Variants in TNFSF8 observed in about 807,000 individuals in gnomAD.
TNFSF8 encodes the protein TNF superfamily member 8.
In TNFSF8, 4 loss-of-function variants were observed where a neutral mutation model predicts 22.0. The observed-to-expected ratio is 0.18, with a 90% CI of 0.09 to 0.42. TNFSF8 has a LOEUF of 0.42. Among genes scored for constraint, TNFSF8 ranks in the 10% least tolerant of loss-of-function variants. The pLI is 1.00. For missense variants in TNFSF8, 233 were observed against 281.8 expected, an observed-to-expected ratio of 0.83 and a Z score of 1.24; for synonymous variants, 106 against 112.5, an observed-to-expected ratio of 0.94 and a Z score of 0.37.
chr9:114,894,166 T>C lies in TNFSF8; in HGVS notation c.410-2A>G, dbSNP rs1318809069. ...GGTGGAGGATCATGCCACAGTAATC[T>C]GGAAGAAAGAATAACTTTACTTTGT... On this transcript the variant is annotated splice_acceptor_variant, in intron 4 of 4. Coordinates refer to the TNFSF8 transcript ENST00000618336. LOFTEE classifies it high-confidence loss of function. 6.5e-7 allele frequency: 1 copy of C among 1,533,804 alleles called. No homozygotes were observed. Among genetic ancestry groups the C allele is most frequent in the African/African-American group, 1.4e-5 (1 of 72,962 alleles).
chr9:114,907,934 C>G (rs112693374), intron 2 of TNFSF8, among the ~76,000 whole-genome samples: 4 of 152,344 alleles, frequency 2.6e-5, no homozygotes, highest in African/African-American at 9.6e-5. Context: ...CTCAGGCTGC[C>G]TGACCGCTGC....
chr9:114,923,761 A>C (rs181839985), intron 1 of TNFSF8, among the ~76,000 whole-genome samples: 3 of 152,100 alleles, frequency 2.0e-5, no homozygotes, highest in Admixed American at 6.5e-5. Context: ...CAAGTGATCC[A>C]CACACCTTTG....
rs148978384 is a variant in TNFSF8, at chr9:114,930,390, C to T, written c.-87G>A. The T allele has an allele frequency of 3.6e-3, 4,004 of 1,104,996 alleles. 12 individuals carry two copies. The highest frequency in any genetic ancestry group is 4.5e-3 in the Non-Finnish European group (3,749 of 827,982). The allele number at this position is 1,104,996 out of a possible 1,614,324, so 68.4% of individuals were successfully genotyped here. A position where few individuals can be genotyped will look rare whatever the true frequency, so the allele number is the denominator to read the frequency against. Reference sequence around the variant, plus strand: ...CATCTCTGTTCCAAGAAGGATTCTCCCCCTGAATCCTGAATCATGTGACTT... The same window carrying T: ...CATCTCTGTTCCAAGAAGGATTCTCTCCCTGAATCCTGAATCATGTGACTT... On this transcript the variant is annotated 5_prime_UTR_variant, in exon 1 of 4. Coordinates refer to ENST00000223795, the MANE Select transcript of TNFSF8 (RefSeq NM_001244.4).
intron 2 of TNFSF8, among the ~76,000 whole-genome samples, chr9:114,906,901 A>G (rs1203976182): frequency 1.3e-5 from 2 of 152,342 alleles, no homozygotes; most frequent in Middle Eastern, 3.4e-3. Flanking sequence ...AAAACTGGAC[A>G]ATCTTTGACC....
intron 1 of TNFSF8, among the ~76,000 whole-genome samples, chr9:114,924,906 T>C (rs1828037380): frequency 6.6e-6 from 1 of 152,156 alleles, no homozygotes; most frequent in Admixed American, 6.5e-5. Flanking sequence ...CAGGGCTCGC[T>C]CCTGGGAAGA....
intron 2 of TNFSF8, among the ~76,000 whole-genome samples, chr9:114,910,925 T>G (rs1827845234): frequency 6.6e-6 from 1 of 152,208 alleles, no homozygotes; most frequent in Non-Finnish European, 1.5e-5. Context: ...TTCCCCTTAC[T>G]GAGCCTCAGC....
At chr9:114,917,640 T>C (rs1827936021) in intron 2 of TNFSF8, among the ~76,000 whole-genome samples, 4 of 152,236 alleles carry the variant, frequency 2.6e-5, no homozygotes, top group Admixed American at 2.6e-4. Flanking sequence ...ATGATTACTA[T>C]GTGCTGGTTG....
chr9:114,917,753 C>T (rs1214217884), intron 2 of TNFSF8, among the ~76,000 whole-genome samples: 1 of 152,162 alleles, frequency 6.6e-6, no homozygotes, highest in African/African-American at 2.4e-5. Context: ...AGTTGAGGCT[C>T]CCCAGTGGGA....
At chr9:114,914,443 C>T (rs1827892547) in intron 2 of TNFSF8, among the ~76,000 whole-genome samples, 1 of 152,164 alleles carries the variant, frequency 6.6e-6, no homozygotes, top group Admixed American at 6.5e-5. Context: ...AGCCAGAAAC[C>T]ATGTGCAGAC....
intron 2 of TNFSF8, among the ~76,000 whole-genome samples, chr9:114,909,875 A>C (rs1827831518): frequency 6.6e-6 from 1 of 152,214 alleles, no homozygotes; most frequent in African/African-American, 2.4e-5. Flanking sequence ...AGTTTGGAGA[A>C]ATGAAAGTTC....
At chr9:114,896,715 TAGGA>T (rs1199508651), downstream of TNFSF8, among the ~76,000 whole-genome samples, 1 of 152,148 alleles carries the variant, frequency 6.6e-6, no homozygotes, top group Non-Finnish European at 1.5e-5. Context: ...ATCTCAGAGA[TAGGA>T]AGGGTGATGG....
chr9:114,914,335 C>T (rs2131345604), intron 2 of TNFSF8, among the ~76,000 whole-genome samples: 1 of 152,282 alleles, frequency 6.6e-6, no homozygotes, highest in East Asian at 1.9e-4. Flanking sequence ...CTGCATACCC[C>T]AAATCCTTCT....
In TNFSF8 at chr9:114,902,457, G is replaced by A. The variant is rs1250545971; in HGVS notation, c.*1474C>T. Reference sequence around the variant, plus strand: ...GAAAAATGCCTGCTGCTCAATTATTGTCAATCTAACTGGAATAGAGTCAGG... The same window carrying A: ...GAAAAATGCCTGCTGCTCAATTATTATCAATCTAACTGGAATAGAGTCAGG... On this transcript the variant is annotated 3_prime_UTR_variant, in exon 4 of 4. Transcript: ENST00000223795. 9.1e-6 allele frequency: 9 copies of A among 985,420 alleles called. No homozygotes were observed. Among genetic ancestry groups the A allele is most frequent in the Non-Finnish European group, 9.6e-6 (8 of 829,932 alleles). The allele number at this position is 985,420 out of a possible 1,614,324, so 61.0% of individuals were successfully genotyped here.
chr9:114,894,263 G>A (rs979681216), intron 4 of TNFSF8: 1 of 987,152 alleles, frequency 1.0e-6, no homozygotes, highest in African/African-American at 1.6e-5. Flanking sequence ...TAGCAGGGAG[G>A]CAAATGTACA....
At position 114,923,507 on chromosome 9, in the gene TNFSF8, TTTCTTTCTTTCTTTC is replaced by T. The variant is rs1363419380; in HGVS notation, c.196-5384_196-5370del. On this transcript the variant is annotated intron_variant, in intron 1 of 3. Coordinates refer to ENST00000223795, the MANE Select transcript of TNFSF8 (RefSeq NM_001244.4). ...CTTTCTTTCTTTCTTTCTTTCTTTCTTTCTTTCTTTCTTTCTTTTTTTTTTTTTGAGATGAAATCT... is the reference window on the plus strand; with the variant it reads ...CTTTCTTTCTTTCTTTCTTTCTTTCTTTTTTTTTTTTTTGAGATGAAATCT... Among the ~76,000 whole-genome samples the T allele has an allele frequency of 1.8e-3, 152 of 86,608 alleles. 7 individuals are homozygous for T. The East Asian group carries it at 0.025, about 14-fold the overall frequency. The allele number at this position is 86,608 out of a possible 152,430, so 56.8% of individuals were successfully genotyped here.
intron 2 of TNFSF8, 89 bp downstream of exon 2, chr9:114,918,007 G>T: frequency 7.5e-7 from 1 of 1,341,886 alleles, no homozygotes; most frequent in Non-Finnish European, 1.0e-6. Flanking sequence ...ATGTCATAGA[G>T]TTGTTTCTGG....
chr9:114,899,704 T>C (rs1331126329), downstream of TNFSF8, among the ~76,000 whole-genome samples: 2 of 152,166 alleles, frequency 1.3e-5, no homozygotes, highest in African/African-American at 4.8e-5. Flanking sequence ...TGTTGGATTG[T>C]AAACTGACCT....
At chr9:114,926,845 A>G (rs192808572) in intron 1 of TNFSF8, among the ~76,000 whole-genome samples, 2 of 151,568 alleles carry the variant, frequency 1.3e-5, no homozygotes, top group Non-Finnish European at 2.9e-5. Flanking sequence ...AGGTGTGAAG[A>G]TTTTTACTTT....
rs949950206 is a variant in TNFSF8, at chr9:114,929,941, C to T, written c.195+168G>A. Among the ~76,000 whole-genome samples, 8 of 145,852 alleles carry T rather than the reference C, an allele frequency of 5.5e-5. No homozygotes were observed. In the East Asian group the frequency reaches 9.8e-4, roughly 18 times the overall value. On this transcript the variant is annotated intron_variant, in intron 1 of 3. Coordinates refer to ENST00000223795, the MANE Select transcript of TNFSF8 (RefSeq NM_001244.4). ...TATATTATGTAACATAAGTGTATTA[C>T]GTTATACAGTATATACTATAGTATA...
Sources: allele counts gnomAD v4.1 joint callset (sites outside exome capture counted in the v4.1 genomes callset), GRCh38; gene constraint gnomAD v4.1.1; transcripts MANE v1.5; gene names NCBI Gene and HGNC (gene_info 2026-07-23, HGNC 2026-07-21).